The following OCA2 variants were observed in gnomAD, a reference collection of about 807,000 sequenced individuals.
OCA2 encodes the protein P protein.
A neutral mutation model predicts 100.2 loss-of-function variants in OCA2; 77 were observed. The ratio of observed to expected loss-of-function variants is 0.77; its 90% CI spans 0.64 to 0.93. The LOEUF is 0.93. Among genes scored for constraint, OCA2 ranks in the 40% least tolerant of loss-of-function variants. The pLI is 0.00. For missense variants in OCA2, 1,062 were observed against 1,089.1 expected, an observed-to-expected ratio of 0.98 and a Z score of 0.35; for synonymous variants, 432 against 439.2, an observed-to-expected ratio of 0.98 and a Z score of 0.21.
the OCA2 span, among the ~76,000 whole-genome samples, chr15:27,723,254 T>C: frequency 6.6e-6 from 1 of 152,138 alleles, no homozygotes; most frequent in African/African-American, 2.4e-5. Flanking sequence ...GGAACTTTTT[T>C]TTCCCTATTG....
intron 23 of OCA2, among the ~76,000 whole-genome samples, chr15:27,764,170 CG>C (rs144907074): frequency 0.058 from 8,277 of 141,916 alleles, 296 homozygotes; most frequent in Middle Eastern, 0.13. Context: ...AGGAGGGAGA[CG>C]GGGAGAGAGA....
chr15:27,770,915 C>CTCCCTCCCTCTTTTCCTTTCTTCCT (rs2031756746), intron 23 of OCA2, among the ~76,000 whole-genome samples: 2 of 111,456 alleles, frequency 1.8e-5, no homozygotes, highest in South Asian at 2.7e-4. Flanking sequence ...TCCTTCCCTC[C>CTCCCTCCCTCTTTTCCTTTCTTCCT]TCCCTCCCTC....
At chr15:28,020,528 G>T (rs898591064) in intron 6 of OCA2, among the ~76,000 whole-genome samples, 2 of 152,120 alleles carry the variant, frequency 1.3e-5, no homozygotes, top group Non-Finnish European at 2.9e-5. Context: ...GCCCAGGAGG[G>T]TGGCATGTCC....
chr15:27,957,731 C>T lies in OCA2; in HGVS notation c.1641G>A (p.Leu547=), dbSNP rs2040275971. Residue 547 remains leucine (L), a synonymous_variant, in exon 16 of 24, where the codon CTG becomes CTA. Transcript: ENST00000354638. The surrounding 1 kb of genome is among the most constrained non-coding windows in gnomAD (Gnocchi z 4.3). ...GGCGCCAGACGTGAATCTCGTGCTT[C>T]AGTTCTGCAGAGAAAGGAAGGCGAA... ...YNKEPSEIVE[L]KHEIHVWRLT... is the part of the protein sequence containing the mutation. The T allele has an allele frequency of 6.2e-7, 1 of 1,613,058 alleles. No individual in the cohort carries two copies. The highest frequency in any genetic ancestry group is 2.2e-5 in the East Asian group (1 of 44,856).
intron 19 of OCA2, 84 bp from the exon 20 acceptor site, chr15:27,872,006 G>A (rs1183856987): frequency 5.9e-6 from 6 of 1,009,540 alleles, no homozygotes; most frequent in Non-Finnish European, 7.9e-6. Context: ...AAAATGAAAA[G>A]ACGTGAACAT....
intron 2 of OCA2, among the ~76,000 whole-genome samples, chr15:28,067,320 G>A (rs1327492746): frequency 1.3e-5 from 2 of 152,036 alleles, no homozygotes; most frequent in Admixed American, 6.6e-5. Context: ...GACAAACTTG[G>A]TTTCATTGAT....
chr15:27,991,576 G>T (rs989005128), intron 9 of OCA2, among the ~76,000 whole-genome samples: 7 of 152,156 alleles, frequency 4.6e-5, no homozygotes, highest in Admixed American at 4.6e-4. Flanking sequence ...AGCAACAAAG[G>T]TTGACTGGAA....
At chr15:27,937,052 C>T (rs1186513142) in intron 18 of OCA2, among the ~76,000 whole-genome samples, 1 of 152,196 alleles carries the variant, frequency 6.6e-6, no homozygotes, top group East Asian at 1.9e-4. Context: ...TTCTCTGCCC[C>T]AGAGGCTGAA....
Position 27,871,156 on chromosome 15 carries a change from T to C in OCA2, c.2242A>G (p.Met748Val), listed in dbSNP as rs767532456. The part of the protein sequence containing the change: ...LIDNIPFTAT[M>V]IPVLLNLSHD... Reference sequence around the variant, plus strand: ...CGACATGGACATGTGCAACTCACCATGGTAGCAGTGAACGGGATGTTGTCA... The same window carrying C: ...CGACATGGACATGTGCAACTCACCACGGTAGCAGTGAACGGGATGTTGTCA... Residue 748 changes from methionine to valine, a missense_variant and splice_region_variant, in exon 21 of 24, where the codon ATG becomes GTG. Met to Val is a conservative substitution (Grantham distance 21). Coordinates refer to ENST00000354638, the MANE Select transcript of OCA2 (RefSeq NM_000275.3). The C allele has an allele frequency of 5.0e-6, 8 of 1,611,196 alleles. No individual in the cohort carries two copies. Among genetic ancestry groups the C allele is most frequent in the Non-Finnish European group, 6.8e-6 (8 of 1,177,358 alleles).
chr15:28,059,220 C>T (rs564495932), intron 2 of OCA2, among the ~76,000 whole-genome samples: 4 of 152,308 alleles, frequency 2.6e-5, no homozygotes, highest in African/African-American at 9.6e-5. Flanking sequence ...GCAGGAGCCA[C>T]GCAGGGCAAA....
chr15:27,741,482 A>G, the OCA2 span, among the ~76,000 whole-genome samples: 1 of 152,214 alleles, frequency 6.6e-6, no homozygotes, highest in Non-Finnish European at 1.5e-5. Flanking sequence ...TTGAGCAGAA[A>G]ACATTCTCAG....
chr15:28,021,106 A>G (rs148016372), intron 6 of OCA2, among the ~76,000 whole-genome samples: 1 of 152,336 alleles, frequency 6.6e-6, no homozygotes, highest in African/African-American at 2.4e-5. Context: ...TAGCTAACTG[A>G]ATTAATTCCT....
chr15:28,039,339 C>A (rs974962036), intron 2 of OCA2, among the ~76,000 whole-genome samples: 10 of 152,286 alleles, frequency 6.6e-5, no homozygotes, highest in African/African-American at 2.4e-4. Context: ...CCAACAATAG[C>A]AGAATACACT....
chr15:27,872,431 T>G (rs2036614877), intron 19 of OCA2, among the ~76,000 whole-genome samples: 1 of 152,178 alleles, frequency 6.6e-6, no homozygotes, highest in African/African-American at 2.4e-5. Flanking sequence ...AAAACTGTAC[T>G]CAGGGAAAGG....
chr15:27,773,000 T>G (rs2031980207), intron 23 of OCA2, among the ~76,000 whole-genome samples: 1 of 152,180 alleles, frequency 6.6e-6, no homozygotes, highest in African/African-American at 2.4e-5. Flanking sequence ...TCTATTCTGA[T>G]GCAATATTTT....
chr15:27,814,883 T>TAGATAG (rs2034219760), intron 23 of OCA2, among the ~76,000 whole-genome samples: 1 of 101,756 alleles, frequency 9.8e-6, no homozygotes, highest in African/African-American at 3.7e-5. Context: ...ATTCTCTCTC[T>TAGATAG]ATAGATAGAT....
At chr15:28,073,111 G>C (rs868540381) in intron 2 of OCA2, among the ~76,000 whole-genome samples, 1 of 152,130 alleles carries the variant, frequency 6.6e-6, no homozygotes, top group Non-Finnish European at 1.5e-5. Flanking sequence ...ATACTATGCA[G>C]CCATAAAAAA....
intron 23 of OCA2, among the ~76,000 whole-genome samples, chr15:27,777,124 G>A (rs544945662): frequency 9.2e-5 from 14 of 152,190 alleles, no homozygotes; most frequent in Admixed American, 8.5e-4. Context: ...GTTTACAGGC[G>A]AGCATTGGCC....
At chr15:27,793,263 T>C (rs922839749) in intron 23 of OCA2, among the ~76,000 whole-genome samples, 15 of 152,318 alleles carry the variant, frequency 9.8e-5, no homozygotes, top group African/African-American at 3.6e-4. Context: ...ATAAAGCTGA[T>C]AGCAAGCTAG....
Sources: gnomAD v4.1 joint callset for allele counts (sites outside exome capture counted in the v4.1 genomes callset) on GRCh38, gnomAD v4.1.1 for gene constraint, Gnocchi (gnomAD v3.1) non-coding constraint, MANE v1.5 for transcripts, NCBI Gene and HGNC (gene_info 2026-07-23, HGNC 2026-07-21) for gene names.